Variants in PTGFRN observed in about 807,000 individuals in gnomAD.
PTGFRN encodes the protein prostaglandin F2 receptor negative regulator.
Under a neutral mutation model 83.2 loss-of-function variants are expected in PTGFRN, and 35 were observed. The observed-to-expected ratio is 0.42, with a 90% CI of 0.32 to 0.56. The LOEUF is 0.56. Ranked by LOEUF, PTGFRN falls within the 20% of genes least tolerant of loss-of-function variation. PTGFRN has a pLI of 0.11. For missense variants in PTGFRN, 1,051 were observed against 1,179.5 expected, an observed-to-expected ratio of 0.89 and a Z score of 1.60; for synonymous variants, 519 against 498.6, an observed-to-expected ratio of 1.04 and a Z score of -0.55.
intron 3 of PTGFRN, among the ~76,000 whole-genome samples, chr1:116,947,382 C>T (rs140239740): frequency 1.4e-3 from 208 of 152,298 alleles, no homozygotes; most frequent in Non-Finnish European, 2.7e-3. Context: ...GCCTGAGGTC[C>T]CTTCTTTCAT....
intron 1 of PTGFRN, among the ~76,000 whole-genome samples, chr1:116,910,867 T>G (rs977663848): frequency 2.6e-5 from 4 of 152,172 alleles, no homozygotes; most frequent in Non-Finnish European, 5.9e-5. Context: ...TCTTTTAGCT[T>G]TTCTTGAAGC....
chr1:116,974,363 C>T, intron 7 of PTGFRN, 40 bp downstream of exon 7: 1 of 1,451,224 alleles, frequency 6.9e-7, no homozygotes, highest in Non-Finnish European at 9.7e-7. Flanking sequence ...ATGTTGCTTT[C>T]TGTAAATGTT....
intron 6 of PTGFRN, among the ~76,000 whole-genome samples, chr1:116,968,593 A>T (rs1455780139): frequency 2.0e-5 from 3 of 152,130 alleles, no homozygotes; most frequent in African/African-American, 7.2e-5. Context: ...TAGAGTGTAC[A>T]ATTTAGTGGT....
Position 116,954,302 on chromosome 1 carries a change from CCAA to C in PTGFRN, c.1213+4737_1213+4739del, listed in dbSNP as rs529237879. On this transcript the variant is annotated intron_variant, in intron 4 of 8. Transcript: ENST00000393203. ...AATGAGTCTCCCCTCCCACCCCCTC[CCAA>C]CAACAATAGCTCCTTATTTGTAGCC... Among the ~76,000 whole-genome samples, 33 of 152,180 alleles carry C rather than the reference CCAA, an allele frequency of 2.2e-4. No individual in the cohort carries two copies. In the East Asian group the frequency reaches 5.4e-3, roughly 25 times the overall value.
chr1:116,986,961 G>T lies in PTGFRN; in HGVS notation c.2634G>T (p.Met878Ile), dbSNP rs771573075. Residue 878 changes from methionine (M) to isoleucine (I), a missense_variant, in exon 9 of 9, where the codon ATG becomes ATT. Coordinates refer to ENST00000393203, the MANE Select transcript of PTGFRN (RefSeq NM_020440.4). ...GCCGCAGGCTCATGTCGATGGAGAT[G>T]GACTAGGCTGGCCCGGGAGGGGAGT... ...RERRRLMSMEMD is the reference protein window; with the variant it reads ...RERRRLMSMEID 3 of 1,614,088 alleles carry T rather than the reference G, an allele frequency of 1.9e-6. No homozygotes were observed. Among genetic ancestry groups the T allele is most frequent in the African/African-American group, 2.7e-5 (2 of 74,956 alleles).
intron 2 of PTGFRN, among the ~76,000 whole-genome samples, chr1:116,943,322 T>C (rs1650105791): frequency 6.6e-6 from 1 of 152,222 alleles, no homozygotes. Flanking sequence ...GAGCTAAATA[T>C]TGCCACATGC....
At position 116,952,812 on chromosome 1, in the gene PTGFRN, G is replaced by T. The variant is rs1325912600; in HGVS notation, c.1213+3240G>T. Among the ~76,000 whole-genome samples the T allele has an allele frequency of 1.3e-5, 2 of 152,220 alleles. No homozygotes were observed. The highest frequency in any genetic ancestry group is 6.5e-5 in the Admixed American group (1 of 15,288). On this transcript the variant is annotated intron_variant, in intron 4 of 8. Transcript: ENST00000393203. The surrounding 1 kb of genome is among the most constrained non-coding windows in gnomAD (Gnocchi z 4.0). ...CTTTTACAAAAGGCCCTAAATGATG[G>T]TTTAAATGGATGTTTCTTATATCCA...
intron 2 of PTGFRN, 109 bp from the exon 3 acceptor site, chr1:116,944,570 T>G: frequency 8.8e-7 from 1 of 1,134,116 alleles, no homozygotes; most frequent in Non-Finnish European, 1.1e-6. Flanking sequence ...ATCCGGGTCT[T>G]GGAATGGGAA....
intron 1 of PTGFRN, among the ~76,000 whole-genome samples, chr1:116,924,337 G>C (rs1649604964): frequency 6.6e-6 from 1 of 152,024 alleles, no homozygotes; most frequent in Admixed American, 6.5e-5. Flanking sequence ...AGTAGAGATG[G>C]GGTTTCAGCA....
intron 7 of PTGFRN, among the ~76,000 whole-genome samples, chr1:116,974,793 G>A (rs767007892): frequency 2.6e-5 from 4 of 152,210 alleles, no homozygotes; most frequent in South Asian, 2.1e-4. Flanking sequence ...AGCTCCCAGC[G>A]TGAGCGATGC....
intron 4 of PTGFRN, among the ~76,000 whole-genome samples, chr1:116,954,060 G>A (rs562240070): frequency 3.3e-5 from 5 of 151,938 alleles, no homozygotes; most frequent in East Asian, 3.9e-4. Flanking sequence ...GTTTCGCCAC[G>A]TTGGCCAGGC....
intron 4 of PTGFRN, among the ~76,000 whole-genome samples, chr1:116,955,832 A>G (rs1313337287): frequency 6.6e-6 from 1 of 152,214 alleles, no homozygotes; most frequent in Non-Finnish European, 1.5e-5. Flanking sequence ...CCCATAAGAC[A>G]TACATACGAA....
chr1:116,957,811 C>T (rs968719090), intron 4 of PTGFRN, among the ~76,000 whole-genome samples: 2 of 152,170 alleles, frequency 1.3e-5, no homozygotes, highest in Non-Finnish European at 1.5e-5. Flanking sequence ...ACTTTACTCT[C>T]TGTTTCTATG....
At chr1:116,926,597 G>A (rs1451625196) in intron 1 of PTGFRN, among the ~76,000 whole-genome samples, 3 of 151,824 alleles carry the variant, frequency 2.0e-5, no homozygotes, top group Non-Finnish European at 4.4e-5. Context: ...ATAACTTCTC[G>A]GAACCTCAGT....
In PTGFRN at chr1:116,988,070, A is replaced by C. The variant is rs921662363; in HGVS notation, c.*1103A>C. The C allele has an allele frequency of 6.6e-6, 1 of 152,172 alleles. No homozygotes were observed. The highest frequency in any genetic ancestry group is 6.5e-5 in the Admixed American group (1 of 15,274). The allele number at this position is 152,172 out of a possible 1,614,324, so 9.4% of individuals were successfully genotyped here. ...GCTTGGGCTCCTTAACCTGAAGGCA[A>C]ATTGCTACTTGCAAGACTGACTGAC... is the stretch of plus-strand genomic sequence containing the variant. On this transcript the variant is annotated 3_prime_UTR_variant, in exon 9 of 9. Transcript: ENST00000393203.
chr1:116,960,827 G>A lies in PTGFRN; in HGVS notation c.1214-416G>A, dbSNP rs534869786. Among the ~76,000 whole-genome samples, 5 of 152,284 alleles carry A rather than the reference G, an allele frequency of 3.3e-5. No homozygotes were observed. In the South Asian group the frequency reaches 8.3e-4, roughly 25 times the overall value. Reference sequence around the variant, plus strand: ...CTGTTGGGTGGGGTTTTCCGATACTGTTCCAGTGGGGGTGTTGGAGGTCTG... The same window carrying A: ...CTGTTGGGTGGGGTTTTCCGATACTATTCCAGTGGGGGTGTTGGAGGTCTG... On this transcript the variant is annotated intron_variant, in intron 4 of 8. Coordinates refer to ENST00000393203, the MANE Select transcript of PTGFRN (RefSeq NM_020440.4).
chr1:116,985,216 T>C (rs1024787858), intron 8 of PTGFRN, among the ~76,000 whole-genome samples: 4 of 152,186 alleles, frequency 2.6e-5, no homozygotes, highest in Non-Finnish European at 5.9e-5. Context: ...TTTCAAGACT[T>C]ACTAGAAAAA....
rs925870375 is a variant in PTGFRN at position 116,989,543 on chromosome 1, A to G, written c.*2576A>G. 1 of 152,632 alleles carries G rather than the reference A, an allele frequency of 6.6e-6. No individual in the cohort carries two copies. The highest frequency in any genetic ancestry group is 1.5e-5 in the Non-Finnish European group (1 of 68,038). The allele number at this position is 152,632 out of a possible 1,614,324, so 9.5% of individuals were successfully genotyped here. A position where few individuals can be genotyped will look rare whatever the true frequency, so the allele number is the denominator to read the frequency against. ...AAAGAGAGACCCAGCCGCGTCTCAC[A>G]CAGGTGGAATTGCACTTCTTAACAA... On this transcript the variant is annotated 3_prime_UTR_variant, in exon 9 of 9. Transcript: ENST00000393203.
chr1:116,910,191 C>A lies in PTGFRN; in HGVS notation c.-13C>A. Reference sequence around the variant, plus strand: ...AGGAGGAGGAGGGGGAGAGTCGCTCCCGCCGGGCGAGCATGGGGCGCCTGG... The same window carrying A: ...AGGAGGAGGAGGGGGAGAGTCGCTCACGCCGGGCGAGCATGGGGCGCCTGG... On this transcript the variant is annotated 5_prime_UTR_variant, in exon 1 of 9. Transcript: ENST00000393203. 1 of 1,488,838 alleles carries A rather than the reference C, an allele frequency of 6.7e-7. No individual in the cohort carries two copies. Among genetic ancestry groups the A allele is most frequent in the South Asian group, 1.3e-5 (1 of 78,046 alleles). 92.2% of individuals were successfully genotyped at this position (1,488,838 alleles called of 1,614,324 possible). A position where few individuals can be genotyped will look rare whatever the true frequency, so the allele number is the denominator to read the frequency against.
Sources: allele counts gnomAD v4.1 joint callset (sites outside exome capture counted in the v4.1 genomes callset), GRCh38; gene constraint gnomAD v4.1.1; non-coding constraint Gnocchi (gnomAD v3.1); transcripts MANE v1.5; gene names NCBI Gene and HGNC (gene_info 2026-07-23, HGNC 2026-07-21).